The following DZIP1L variants were observed in gnomAD, a reference collection of about 807,000 sequenced individuals.
The protein encoded by DZIP1L is DAZ interacting zinc finger protein 1 like, also known as cilium assembly protein DZIP1L.
In DZIP1L, 90 loss-of-function variants were observed where a neutral mutation model predicts 88.7. The observed-to-expected ratio is 1.02, with a 90% CI of 0.86 to 1.21. DZIP1L has a LOEUF of 1.21. DZIP1L is among the 50% of genes most tolerant of loss of function. DZIP1L has a pLI of 0.00. For missense variants in DZIP1L, 932 were observed against 955.8 expected, an observed-to-expected ratio of 0.98 and a Z score of 0.33; for synonymous variants, 363 against 372.1, an observed-to-expected ratio of 0.98 and a Z score of 0.28.
At chr3:138,106,484 G>C (rs1206682932) in intron 1 of DZIP1L, among the ~76,000 whole-genome samples, 2 of 151,870 alleles carry the variant, frequency 1.3e-5, no homozygotes, top group Non-Finnish European at 2.9e-5. Context: ...ACTTTAAAAA[G>C]TGCAATAGAA....
At chr3:138,068,841 C>T in intron 12 of DZIP1L, 1 of 1,133,266 alleles carries the variant, frequency 8.8e-7, no homozygotes, top group Non-Finnish European at 1.1e-6. Context: ...CAAGGCAGTA[C>T]CAAGGCAGGC....
chr3:138,098,695 G>C (rs1345825743), intron 2 of DZIP1L, among the ~76,000 whole-genome samples: 1 of 152,178 alleles, frequency 6.6e-6, no homozygotes, highest in Non-Finnish European at 1.5e-5. Flanking sequence ...AACACTCTAT[G>C]TCCCAACCTT....
Position 138,092,508 on chromosome 3 carries a change from T to G in DZIP1L, c.745A>C (p.Lys249Gln). Residue 249 changes from lysine to glutamine, a missense_variant, in exon 5 of 16, where the codon AAG (lysine) becomes CAG (glutamine). By Grantham distance (53) the Lys-to-Gln change is moderately conservative. Coordinates refer to ENST00000327532, the MANE Select transcript of DZIP1L (RefSeq NM_173543.3). ...TCTTTCCATTTATCAAATTCTTTCT[T>G]AGCTTCTATTTCCCTCTGATGAATG... is the stretch of plus-strand genomic sequence containing the variant. ...ELIHQREIEA[K>Q]KEFDKWKEQE... 1 of 1,603,494 alleles carries G rather than the reference T, an allele frequency of 6.2e-7. No homozygotes were observed. The highest frequency in any genetic ancestry group is 8.5e-7 in the Non-Finnish European group (1 of 1,176,980).
chr3:138,078,879 G>A (rs569286009), intron 10 of DZIP1L, among the ~76,000 whole-genome samples: 12 of 152,308 alleles, frequency 7.9e-5, no homozygotes, highest in South Asian at 2.1e-4. Flanking sequence ...GGGGTGTAGC[G>A]TGGTCCTCCA....
rs72973027 is a variant in DZIP1L at position 138,092,259 on chromosome 3, T to C, written c.870+124A>G. 7.3e-6 allele frequency: 8 copies of C among 1,097,266 alleles called. No homozygotes were observed. The Admixed American group carries it at 1.1e-4, about 15-fold the overall frequency. 68.0% of individuals were successfully genotyped at this position (1,097,266 alleles called of 1,614,324 possible). On this transcript the variant is annotated intron_variant, in intron 5 of 15. Coordinates refer to ENST00000327532, the MANE Select transcript of DZIP1L (RefSeq NM_173543.3). ...TGGGCCTCTAATATCAGGCCTCTGA[T>C]AACTGGCCTCACAGTGTTTTAGCTT...
In DZIP1L at chr3:138,072,524, C is replaced by T. The variant is rs183856183; in HGVS notation, c.1423-689G>A. Among the ~76,000 whole-genome samples, 9 of 152,150 alleles carry T rather than the reference C, an allele frequency of 5.9e-5. 1 individual carries two copies. The highest frequency in any genetic ancestry group is 4.6e-4 in the Admixed American group (7 of 15,290). On this transcript the variant is annotated intron_variant, in intron 11 of 15. Coordinates refer to ENST00000327532, the MANE Select transcript of DZIP1L (RefSeq NM_173543.3). ...TTTTTTCTAACTTACTCTACACAAA[C>T]AGCATTCCAATAGTGTAATGCTTGG...
At chr3:138,081,799 GC>G in intron 8 of DZIP1L, 35 bp from the exon 9 acceptor site, 1 of 1,609,918 alleles carries the variant, frequency 6.2e-7, no homozygotes, top group African/African-American at 1.3e-5. Context: ...GTTACAACCA[GC>G]AGAGAACATT....
intron 2 of DZIP1L, among the ~76,000 whole-genome samples, chr3:138,099,599 A>C (rs962621614): frequency 2.0e-5 from 3 of 152,160 alleles, no homozygotes; most frequent in Non-Finnish European, 4.4e-5. Context: ...CAGTGTTGAG[A>C]GGTGGGGCCC....
intron 6 of DZIP1L, 33 bp downstream of exon 6, chr3:138,088,346 C>T (rs769857721): frequency 6.3e-7 from 1 of 1,586,526 alleles, no homozygotes; most frequent in South Asian, 1.2e-5. Context: ...TCTTGGCTTC[C>T]TCTGGGAAGA....
intron 1 of DZIP1L, among the ~76,000 whole-genome samples, chr3:138,114,062 G>T (rs775919382): frequency 6.0e-5 from 9 of 151,194 alleles, no homozygotes; most frequent in Non-Finnish European, 3.0e-5. Flanking sequence ...AAGAAAACTG[G>T]CTTAGAACAT....
In DZIP1L at chr3:138,101,522, C is replaced by A; in HGVS notation, c.501+1949G>T. ...GAGGACTCGGACACCAGCTTCCCATCGCAAGTCTCTATCTTCTTCACAACC... is the reference window on the plus strand; with the variant it reads ...GAGGACTCGGACACCAGCTTCCCATAGCAAGTCTCTATCTTCTTCACAACC... On this transcript the variant is annotated intron_variant, in intron 2 of 15. Coordinates refer to ENST00000327532, the MANE Select transcript of DZIP1L (RefSeq NM_173543.3). 6.3e-6 allele frequency: 5 copies of A among 796,834 alleles called. No individual in the cohort carries two copies. The East Asian group carries it at 9.7e-5, about 15-fold the overall frequency. 49.4% of individuals were successfully genotyped at this position (796,834 alleles called of 1,614,324 possible).
chr3:138,109,572 C>T (rs1379693440), intron 1 of DZIP1L, among the ~76,000 whole-genome samples: 3 of 152,158 alleles, frequency 2.0e-5, no homozygotes, highest in Non-Finnish European at 4.4e-5. Flanking sequence ...GGATCTAGAA[C>T]CAGAAATACA....
rs11709273 is a variant in DZIP1L at position 138,063,437 on chromosome 3, G to C, written c.2143-460C>G. 0.013 allele frequency among the ~76,000 whole-genome samples: 1,992 copies of C among 152,322 alleles called. 20 individuals are homozygous for C. The highest frequency in any genetic ancestry group is 0.023 in the South Asian group (111 of 4,826). ...CATCCTGACTGAAGGAGCATGAGAG[G>C]AGCTTGGGAGCAACAGGAGTCCTTC... On this transcript the variant is annotated intron_variant, in intron 15 of 15. Transcript: ENST00000327532. This position sits in a 1 kb window ranked among gnomAD's most constrained non-coding sequence, Gnocchi z 4.1.
intron 1 of DZIP1L, chr3:138,112,478 G>A (rs550498875): frequency 2.0e-5 from 3 of 152,270 alleles, no homozygotes; most frequent in African/African-American, 7.2e-5. Flanking sequence ...GTCTGAACCC[G>A]ACTCAGCTCC....
intron 3 of DZIP1L, 110 bp downstream of exon 3, chr3:138,097,653 T>G (rs765748391): frequency 1.7e-5 from 17 of 976,104 alleles, no homozygotes; most frequent in Non-Finnish European, 2.3e-5. Context: ...AATTGGACAG[T>G]GAGGTTCTGA....
rs756276758 is a variant in DZIP1L, at chr3:138,068,297, C to A, written c.1686G>T (p.Leu562Phe). 4.4e-5 allele frequency: 70 copies of A among 1,595,040 alleles called. No individual in the cohort carries two copies. Among genetic ancestry groups the A allele is most frequent in the Non-Finnish European group, 5.9e-5 (69 of 1,169,910 alleles). Residue 562 changes from leucine (L) to phenylalanine (F), a missense_variant, in exon 13 of 16, where the codon TTG becomes TTT. Transcript: ENST00000327532. Reference protein sequence around the residue: ...QPKTRTLQVALPSTPAEPPPP... With the variant: ...QPKTRTLQVAFPSTPAEPPPP... ...GGGGTGGCTCTGCCGGTGTGGATGG[C>A]AAGGCCACCTGCAGGGTCCTGGTCT...
chr3:138,107,673 A>G (rs1414779827), intron 1 of DZIP1L, among the ~76,000 whole-genome samples: 2 of 152,166 alleles, frequency 1.3e-5, no homozygotes, highest in Non-Finnish European at 2.9e-5. Flanking sequence ...TGATCAGATT[A>G]TCATCCTTTA....
Position 138,092,536 on chromosome 3 carries a change from C to T in DZIP1L, c.717G>A (p.Glu239=), listed in dbSNP as rs781729532. 1 of 1,569,328 alleles carries T rather than the reference C, an allele frequency of 6.4e-7. No homozygotes were observed. The highest frequency in any genetic ancestry group is 2.1e-5 in the Admixed American group (1 of 47,778). ...AERQRQLQEA[E]LIHQREIEAK... is the part of the protein sequence containing the mutation. ...CTTCTATTTCCCTCTGATGAATGAGCTCTGCTTCCTAAAAAGAAGAGCAAG... is the reference window on the plus strand; with the variant it reads ...CTTCTATTTCCCTCTGATGAATGAGTTCTGCTTCCTAAAAAGAAGAGCAAG... Residue 239 remains glutamate (E), a synonymous_variant, in exon 5 of 16, where the codon GAG becomes GAA. Coordinates refer to ENST00000327532, the MANE Select transcript of DZIP1L (RefSeq NM_173543.3).
intron 10 of DZIP1L, among the ~76,000 whole-genome samples, chr3:138,079,818 A>C (rs1943565523): frequency 6.6e-6 from 1 of 152,218 alleles, no homozygotes; most frequent in Admixed American, 6.5e-5. Context: ...GGCACAATTA[A>C]AACTTGTCTG....
Sources: allele counts gnomAD v4.1 joint callset (sites outside exome capture counted in the v4.1 genomes callset), GRCh38; gene constraint gnomAD v4.1.1; non-coding constraint Gnocchi (gnomAD v3.1); transcripts MANE v1.5; gene names NCBI Gene and HGNC (gene_info 2026-07-23, HGNC 2026-07-21).